Variants in MED14 observed in about 807,000 individuals in gnomAD.
The protein encoded by MED14 is mediator of RNA polymerase II transcription subunit 14.
A neutral mutation model predicts 109.0 loss-of-function variants in MED14; 8 were observed. The ratio of observed to expected loss-of-function variants is 0.07; its 90% CI spans 0.04 to 0.13. MED14 has a LOEUF of 0.13. MED14 is among the 10% of genes least tolerant of loss of function. The probability of loss-of-function intolerance (pLI) is 1.00; values close to 1 mark genes in which losing one functional copy is unlikely to be tolerated. For missense variants in MED14, 711 were observed against 1,142.4 expected (o/e 0.62, Z 5.44); for synonymous variants, 399 against 408.7 (o/e 0.98, Z 0.29).
Position 40,680,748 on chromosome X carries a change from A to G in MED14, c.2610+10T>C, listed in dbSNP as rs752529394. On this transcript the variant is annotated intron_variant, in intron 20 of 30. Coordinates refer to ENST00000324817, the MANE Select transcript of MED14 (RefSeq NM_004229.4). ...AGTCTTATTTTTAGACAGAAAATAA[A>G]CTTAATTACCTGTAATAACTGAACC... 6 of 1,185,060 alleles carry G rather than the reference A, an allele frequency of 5.1e-6. No homozygotes were observed. In the South Asian group the frequency reaches 9.3e-5, roughly 18 times the overall value.
In MED14 at chrX:40,705,979, C is replaced by A. The variant is rs745743224; in HGVS notation, c.1286-2410G>T. Among the ~76,000 whole-genome samples the A allele has an allele frequency of 2.7e-5, 3 of 111,458 alleles. 1 individual carries two copies. The South Asian group carries it at 1.1e-3, about 42-fold the overall frequency. On this transcript the variant is annotated intron_variant, in intron 10 of 30. Coordinates refer to ENST00000324817, the MANE Select transcript of MED14 (RefSeq NM_004229.4). ...CTCTCCCCTAAACCATTTCTACCCC[C>A]ACGAAACCACATGCCTGAGCTGCTC...
intron 12 of MED14, among the ~76,000 whole-genome samples, chrX:40,698,889 G>A (rs754031998): frequency 2.7e-5 from 3 of 112,084 alleles, no homozygotes; most frequent in Admixed American, 1.9e-4. Flanking sequence ...ATTACTGTAC[G>A]CCCTAGCAGT....
intron 29 of MED14, 25 bp from the exon 30 acceptor site, chrX:40,654,581 G>A (rs776828841): frequency 1.7e-6 from 2 of 1,182,061 alleles, no homozygotes; most frequent in Non-Finnish European, 2.3e-6. Flanking sequence ...CACACACAAA[G>A]AGAATAAAAA....
At chrX:40,675,190 G>T in intron 22 of MED14, 31 bp downstream of exon 22, 1 of 1,128,214 alleles carries the variant, frequency 8.9e-7, no homozygotes, top group Non-Finnish European at 1.2e-6. Flanking sequence ...ACAGAAATGT[G>T]ATACCACTTG....
At chrX:40,662,790 A>G in intron 26 of MED14, 135 bp downstream of exon 26, 1 of 483,455 alleles carries the variant, frequency 2.1e-6, no homozygotes, top group Non-Finnish European at 3.5e-6. Flanking sequence ...GTTAGGGTGA[A>G]AATCATAATT....
Position 40,709,305 on chromosome X carries a change from G to A in MED14, c.1285+43C>T, listed in dbSNP as rs190100309. On this transcript the variant is annotated intron_variant, in intron 10 of 30. Coordinates refer to ENST00000324817, the MANE Select transcript of MED14 (RefSeq NM_004229.4). The stretch of plus-strand genomic sequence containing the variant: ...TCTCATCAAATAAAACTGGATTCTA[G>A]TTTAAACAAAAGAAAAACAAATGTC... 5.5e-5 allele frequency: 37 copies of A among 677,022 alleles called. No individual in the cohort carries two copies. In the African/African-American group the frequency reaches 6.8e-4, roughly 12 times the overall value. 55.8% of individuals were successfully genotyped at this position (677,022 alleles called of 1,213,427 possible).
chrX:40,668,140 T>C (rs748609547), intron 23 of MED14, among the ~76,000 whole-genome samples: 1 of 111,514 alleles, frequency 9.0e-6, no homozygotes, highest in African/African-American at 3.3e-5. Flanking sequence ...CCCAGCACTT[T>C]GGGAGGGCGA....
chrX:40,681,866 T>G lies in MED14; in HGVS notation c.2443A>C (p.Thr815Pro), dbSNP rs760424762. The change falls in exon 19 of 31, where the codon ACC becomes CCC. Residue 815 changes from threonine (T) to proline (P), a missense_variant. Thr to Pro is a conservative substitution (Grantham distance 38). This residue lies in a region of MED14 where 388 missense variants were observed against 517.3 expected (regional missense o/e 0.75). Coordinates refer to ENST00000324817, the MANE Select transcript of MED14 (RefSeq NM_004229.4). ...YRKLILCYGT[T>P]KGSSISIQWN... is the part of the protein sequence containing the mutation. ...ATCAGACTTACTGAGCTTCCCTTGG[T>G]GGTTCCATAACACAAGATAAGTTTT... 1.8e-6 allele frequency: 2 copies of G among 1,126,000 alleles called. No homozygotes were observed. The highest frequency in any genetic ancestry group is 6.2e-5 in the East Asian group (2 of 32,008). 92.8% of individuals were successfully genotyped at this position (1,126,000 alleles called of 1,213,427 possible). A position where few individuals can be genotyped will look rare whatever the true frequency, so the allele number is the denominator to read the frequency against.
At chrX:40,664,574 T>C in intron 24 of MED14, 85 bp from the exon 25 acceptor site, 2 of 599,812 alleles carry the variant, frequency 3.3e-6, no homozygotes, top group South Asian at 1.3e-4. Flanking sequence ...CTTTACACAG[T>C]AATAATTTTA....
At chrX:40,701,485 C>CAGA (rs1222553412) in intron 11 of MED14, among the ~76,000 whole-genome samples, 1 of 111,802 alleles carries the variant, frequency 8.9e-6, no homozygotes. Flanking sequence ...TGTACACTGG[C>CAGA]AGAAAGAACA....
chrX:40,692,124 A>G, intron 15 of MED14, 59 bp downstream of exon 15: 1 of 1,100,232 alleles, frequency 9.1e-7, no homozygotes, highest in Non-Finnish European at 1.2e-6. Context: ...ACCCTCAGCA[A>G]CACATTTTAA....
intron 21 of MED14, 69 bp downstream of exon 21, chrX:40,679,795 C>T: frequency 9.5e-7 from 1 of 1,047,377 alleles, no homozygotes; most frequent in Non-Finnish European, 1.3e-6. Flanking sequence ...CCCATTATTT[C>T]CCCCTCAAAG....
At position 40,682,991 on chromosome X, in the gene MED14, G is replaced by A; in HGVS notation, c.2063C>T (p.Pro688Leu). 2 of 1,200,674 alleles carry A rather than the reference G, an allele frequency of 1.7e-6. No individual in the cohort carries two copies. Among genetic ancestry groups the A allele is most frequent in the Non-Finnish European group, 2.2e-6 (2 of 889,882 alleles). Reference protein sequence around the residue: ...FSHAIRLLKIPPCKGITEETQ... With the variant: ...FSHAIRLLKILPCKGITEETQ... Reference sequence around the variant, plus strand: ...TTCCTCAGTTATACCCTTACAGGGAGGAATTCTGGTGATAAAAGACAGCAT... The same window carrying A: ...TTCCTCAGTTATACCCTTACAGGGAAGAATTCTGGTGATAAAAGACAGCAT... Residue 688 changes from proline (P) to leucine (L), a missense_variant, in exon 17 of 31, where the codon CCT becomes CTT. Physicochemically the swap from Pro to Leu is moderately conservative, Grantham distance 98 (BLOSUM62 -3). Around this residue, in one of 8 missense-constraint regions of MED14, gnomAD observed 388 missense variants for 517.3 expected, o/e 0.75. Coordinates refer to ENST00000324817, the MANE Select transcript of MED14 (RefSeq NM_004229.4).
intron 3 of MED14, among the ~76,000 whole-genome samples, chrX:40,719,251 T>A (rs776161827): frequency 3.5e-4 from 39 of 111,673 alleles, no homozygotes; most frequent in African/African-American, 1.2e-3. Context: ...GTCTGGCAGT[T>A]CCACAAAAAG....
chrX:40,729,459 A>G, intron 1 of MED14, 114 bp from the exon 2 acceptor site: 1 of 681,346 alleles, frequency 1.5e-6, no homozygotes, highest in Non-Finnish European at 2.2e-6. Flanking sequence ...AACTGGGTAA[A>G]CAGCTACTAC....
At position 40,648,903 on chromosome X, in the gene MED14, C is replaced by A. The variant is rs929759945; in HGVS notation, c.*2903G>T. 1 of 111,546 alleles carries A rather than the reference C, an allele frequency of 9.0e-6. No individual in the cohort carries two copies. Among genetic ancestry groups the A allele is most frequent in the African/African-American group, 3.3e-5 (1 of 30,578 alleles). 9.2% of individuals were successfully genotyped at this position (111,546 alleles called of 1,213,427 possible). ...AAATCACATCCTTAGACACACTGTC[C>A]ATTCTCAAACCGAATGAAAAAAAAA... On this transcript the variant is annotated 3_prime_UTR_variant, in exon 31 of 31. Coordinates refer to ENST00000324817, the MANE Select transcript of MED14 (RefSeq NM_004229.4).
intron 23 of MED14, among the ~76,000 whole-genome samples, chrX:40,668,407 C>CAAAAAAAAAA (rs1301154358): frequency 1.3e-5 from 1 of 77,616 alleles, no homozygotes; most frequent in Non-Finnish European, 2.7e-5. Context: ...AAAAAAAAAT[C>CAAAAAAAAAA]AAAGAAAAAA....
chrX:40,729,638 A>C, intron 1 of MED14: 16 of 244,497 alleles, frequency 6.5e-5, no homozygotes, highest in East Asian at 2.2e-4. Flanking sequence ...ACACTATATC[A>C]TAGGGTGTCA....
intron 28 of MED14, among the ~76,000 whole-genome samples, chrX:40,655,465 A>G (rs1490451134): frequency 9.0e-6 from 1 of 111,292 alleles, no homozygotes; most frequent in Non-Finnish European, 1.9e-5. Flanking sequence ...TATAGGTCCT[A>G]CAACATGGTT....
Sources: gnomAD v4.1 joint callset for allele counts (sites outside exome capture counted in the v4.1 genomes callset) on GRCh38, gnomAD v4.1.1 for gene constraint, gnomAD v4.1.1 regional missense constraint, MANE v1.5 for transcripts, NCBI Gene and HGNC (gene_info 2026-07-23, HGNC 2026-07-21) for gene names.